The following CCDC91 variants were observed in gnomAD, a reference collection of about 807,000 sequenced individuals.
The protein encoded by CCDC91 is coiled-coil domain-containing protein 91.
A neutral mutation model predicts 63.2 loss-of-function variants in CCDC91; 48 were observed. The ratio of observed to expected loss-of-function variants is 0.76; its 90% CI spans 0.60 to 0.97. CCDC91 has a LOEUF of 0.97. CCDC91 is among the 50% of genes least tolerant of loss of function. CCDC91 has a pLI of 0.00. For synonymous variants in CCDC91, 167 were observed against 165.8 expected (o/e 1.01, Z -0.06); for missense variants, 500 against 494.6 (o/e 1.01, Z -0.10).
intron 3 of CCDC91, among the ~76,000 whole-genome samples, chr12:28,293,903 C>T (rs543983016): frequency 5.3e-5 from 8 of 152,012 alleles, no homozygotes; most frequent in Non-Finnish European, 1.0e-4. Flanking sequence ...GCGCCTGGCT[C>T]CTTGCCTGTA....
intron 6 of CCDC91, among the ~76,000 whole-genome samples, chr12:28,339,865 A>G (rs1226809186): frequency 6.6e-6 from 1 of 152,126 alleles, no homozygotes; most frequent in East Asian, 1.9e-4. Context: ...CTCTTAATGA[A>G]CCTCAGTGTC....
intron 6 of CCDC91, among the ~76,000 whole-genome samples, chr12:28,314,755 G>C (rs1463967452): frequency 2.6e-5 from 4 of 151,948 alleles, no homozygotes; most frequent in African/African-American, 4.8e-5. Flanking sequence ...TTATATTTTA[G>C]TTGGTCTTAC....
chr12:28,407,106 C>T (rs960686837), intron 8 of CCDC91, among the ~76,000 whole-genome samples: 1 of 152,118 alleles, frequency 6.6e-6, no homozygotes, highest in Non-Finnish European at 1.5e-5. Flanking sequence ...CCGTGTCTTG[C>T]TCCTGCTTTT....
At chr12:28,415,968 T>TG (rs1231749412) in intron 8 of CCDC91, among the ~76,000 whole-genome samples, 1 of 28,612 alleles carries the variant, frequency 3.5e-5, no homozygotes. Context: ...CTGAGGAATG[T>TG]GTTTTTTTTT....
At chr12:28,311,113 G>C (rs752189301) in intron 6 of CCDC91, among the ~76,000 whole-genome samples, 1 of 151,972 alleles carries the variant, frequency 6.6e-6, no homozygotes, top group African/African-American at 2.4e-5. Context: ...TCAGGTGCAA[G>C]TAAAATGACA....
intron 12 of CCDC91, among the ~76,000 whole-genome samples, chr12:28,514,566 C>T (rs1183174535): frequency 2.6e-5 from 4 of 151,628 alleles, no homozygotes; most frequent in Non-Finnish European, 4.4e-5. Flanking sequence ...TTTGTCCATT[C>T]GTATGTCCAG....
intron 1 of CCDC91, among the ~76,000 whole-genome samples, chr12:28,241,445 A>G (rs1945328836): frequency 6.6e-6 from 1 of 152,134 alleles, no homozygotes; most frequent in South Asian, 2.1e-4. Flanking sequence ...GGCAGCTTGC[A>G]GTTTTGCTTT....
intron 3 of CCDC91, chr12:28,304,844 T>C (rs1198085024): frequency 6.7e-6 from 2 of 300,036 alleles, no homozygotes; most frequent in South Asian, 6.2e-5. Flanking sequence ...TCAAGTAATA[T>C]ATGTACGACA....
chr12:28,366,673 G>A (rs571104524), intron 7 of CCDC91, among the ~76,000 whole-genome samples: 21 of 152,188 alleles, frequency 1.4e-4, no homozygotes, highest in African/African-American at 4.8e-4. Context: ...CTAAGCTGGC[G>A]TTGATGAGGT....
At chr12:28,374,951 T>C (rs559596138) in intron 7 of CCDC91, among the ~76,000 whole-genome samples, 1 of 152,198 alleles carries the variant, frequency 6.6e-6, no homozygotes, top group African/African-American at 2.4e-5. Flanking sequence ...TATATAATAA[T>C]TTATAGACCT....
rs528651364 is a variant in CCDC91, at chr12:28,540,266, A to T, written c.1216-8797A>T. Among the ~76,000 whole-genome samples, 11 of 152,250 alleles carry T rather than the reference A, an allele frequency of 7.2e-5. No homozygotes were observed. In the South Asian group the frequency reaches 1.7e-3, roughly 23 times the overall value. On this transcript the variant is annotated intron_variant, in intron 12 of 12. Transcript: ENST00000536442. ...AAGGCAAGGATTTTTTATATGATGT[A>T]TTTAATGTGCCAGGCTTTTTTAAAT...
In CCDC91 at chr12:28,338,328, T is replaced by A. The variant is rs78920252; in HGVS notation, c.577-24110T>A. ...TCACCCCCATAGTGTTTTTTTTTTT[T>A]ATTATTATACTTTAAGTTCTAGGGT... On this transcript the variant is annotated intron_variant, in intron 6 of 12. Coordinates refer to ENST00000536442, the MANE Select transcript of CCDC91 (RefSeq NM_018318.5). 4.9e-5 allele frequency among the ~76,000 whole-genome samples: 7 copies of A among 143,936 alleles called. No homozygotes were observed. The East Asian group carries it at 1.3e-3, about 27-fold the overall frequency. 94.4% of individuals were successfully genotyped at this position (143,936 alleles called of 152,430 possible).
At chr12:28,476,700 C>T (rs1460493791) in intron 11 of CCDC91, among the ~76,000 whole-genome samples, 3 of 151,654 alleles carry the variant, frequency 2.0e-5, no homozygotes, top group Non-Finnish European at 4.4e-5. Flanking sequence ...TTGAAAAGAT[C>T]AACAAAATTA....
chr12:28,320,216 G>A (rs549435904), intron 6 of CCDC91, among the ~76,000 whole-genome samples: 11 of 151,782 alleles, frequency 7.2e-5, no homozygotes, highest in African/African-American at 2.4e-4. Context: ...GTTTATTTAC[G>A]GTTACTCCAT....
At chr12:28,192,389 T>C (rs1941337686) in intron 1 of CCDC91, among the ~76,000 whole-genome samples, 1 of 152,152 alleles carries the variant, frequency 6.6e-6, no homozygotes, top group East Asian at 1.9e-4. Context: ...ACTGGTTCCA[T>C]TAAGTAAAAT....
intron 7 of CCDC91, among the ~76,000 whole-genome samples, chr12:28,382,999 C>A (rs1945385839): frequency 6.6e-6 from 1 of 152,064 alleles, no homozygotes; most frequent in Non-Finnish European, 1.5e-5. Context: ...GGCAGACATG[C>A]AGAGTCTCTG....
At chr12:28,541,250 A>T (rs1942609446) in intron 12 of CCDC91, among the ~76,000 whole-genome samples, 1 of 152,160 alleles carries the variant, frequency 6.6e-6, no homozygotes, top group Non-Finnish European at 1.5e-5. Flanking sequence ...AAACAAGAAA[A>T]GGTCAGACTT....
At chr12:28,261,446 A>G (rs1946816918) in intron 3 of CCDC91, among the ~76,000 whole-genome samples, 1 of 151,950 alleles carries the variant, frequency 6.6e-6, no homozygotes, top group Non-Finnish European at 1.5e-5. Context: ...ATTGTGGGCT[A>G]GTGCTGCAAC....
intron 1 of CCDC91, among the ~76,000 whole-genome samples, chr12:28,197,449 T>A (rs11049445): frequency 0.26 from 39,504 of 151,844 alleles, 5,365 homozygotes; most frequent in Non-Finnish European, 0.31. Flanking sequence ...TGTGCCTAGC[T>A]TCATGTAAAA....
Sources: allele counts gnomAD v4.1 joint callset (sites outside exome capture counted in the v4.1 genomes callset), GRCh38; gene constraint gnomAD v4.1.1; transcripts MANE v1.5; gene names NCBI Gene and HGNC (gene_info 2026-07-23, HGNC 2026-07-21).